Variants in LRBA observed in about 807,000 individuals in gnomAD.
LRBA encodes LPS responsive beige-like anchor protein, also known as lipopolysaccharide-responsive and beige-like anchor protein.
In LRBA, 176 loss-of-function variants were observed where a neutral mutation model predicts 330.0. The ratio of observed to expected loss-of-function variants is 0.53; its 90% CI spans 0.47 to 0.60. The LOEUF (loss-of-function observed/expected upper bound fraction) is 0.60. Among genes scored for constraint, LRBA ranks in the 20% least tolerant of loss-of-function variants. The pLI, the probability that LRBA is intolerant of heterozygous loss-of-function variation, is 0.00. For missense variants in LRBA, 3,259 were observed against 3,444.8 expected (o/e 0.95, Z 1.35); for synonymous variants, 1,230 against 1,193.0 (o/e 1.03, Z -0.64).
chr4:150,723,684 A>C (rs993540201), intron 36 of LRBA, among the ~76,000 whole-genome samples: 2 of 152,204 alleles, frequency 1.3e-5, no homozygotes, highest in South Asian at 2.1e-4. Flanking sequence ...GCAGAGGGAA[A>C]AATAAAGGGA....
At chr4:150,818,402 T>C (rs980373754) in intron 30 of LRBA, among the ~76,000 whole-genome samples, 1 of 151,982 alleles carries the variant, frequency 6.6e-6, no homozygotes, top group Non-Finnish European at 1.5e-5. Flanking sequence ...TGACTGCCAA[T>C]GTTAACTATA....
chr4:150,923,178 T>C (rs1014843555), intron 4 of LRBA, among the ~76,000 whole-genome samples: 22 of 73,954 alleles, frequency 3.0e-4, no homozygotes, highest in African/African-American at 7.6e-4. Context: ...CACACCATCG[T>C]AAAGTCAAAA....
At chr4:150,494,825 C>T (rs1260995702) in intron 40 of LRBA, among the ~76,000 whole-genome samples, 1 of 152,038 alleles carries the variant, frequency 6.6e-6, no homozygotes, top group Non-Finnish European at 1.5e-5. Flanking sequence ...AAAACCCCGT[C>T]TCAATAAAAA....
Position 150,397,329 on chromosome 4 carries a change from A to G in LRBA, c.7194+18109T>C, listed in dbSNP as rs561152241. The stretch of plus-strand genomic sequence containing the variant: ...GGTCTTGCTCTGTTGCCTGGTCTGG[A>G]GTGCAGTGACACAATCAGGGTTTGC... On this transcript the variant is annotated intron_variant, in intron 47 of 56. Transcript: ENST00000651943. Among the ~76,000 whole-genome samples the G allele has an allele frequency of 6.6e-5, 10 of 152,182 alleles. No individual in the cohort carries two copies. The South Asian group carries it at 1.5e-3, about 22-fold the overall frequency.
intron 37 of LRBA, among the ~76,000 whole-genome samples, chr4:150,610,906 A>G (rs563207708): frequency 6.6e-6 from 1 of 152,314 alleles, no homozygotes; most frequent in South Asian, 2.1e-4. Context: ...TTTCCAATGA[A>G]ACAATCAGTA....
chr4:150,693,110 G>A (rs1044152805), intron 36 of LRBA, among the ~76,000 whole-genome samples: 8 of 152,218 alleles, frequency 5.3e-5, no homozygotes, highest in Non-Finnish European at 1.2e-4. Flanking sequence ...GTAGAAAGAG[G>A]TAATGAACAG....
At position 150,415,332 on chromosome 4, in the gene LRBA, C is replaced by T. The variant is rs550390550; in HGVS notation, c.7194+106G>A. The T allele has an allele frequency of 4.2e-5, 38 of 915,098 alleles. No individual in the cohort carries two copies. In the African/African-American group the frequency reaches 5.5e-4, roughly 13 times the overall value. The allele number at this position is 915,098 out of a possible 1,614,324, so 56.7% of individuals were successfully genotyped here. On this transcript the variant is annotated intron_variant, in intron 47 of 56. Transcript: ENST00000651943. ...TGTCACTTTCAGTTAGTCCTATCACCTACAGCTTTGTCCAGAAGAGCAAGG... is the reference window on the plus strand; with the variant it reads ...TGTCACTTTCAGTTAGTCCTATCACTTACAGCTTTGTCCAGAAGAGCAAGG...
chr4:150,278,201 T>C (rs1249751703), intron 55 of LRBA, among the ~76,000 whole-genome samples, 197 bp from the exon 56 acceptor site: 1 of 152,182 alleles, frequency 6.6e-6, no homozygotes, highest in Non-Finnish European at 1.5e-5. Context: ...TCATCAATGC[T>C]TGAGATTGTT....
intron 9 of LRBA, among the ~76,000 whole-genome samples, chr4:150,912,483 T>A (rs1210065528): frequency 1.3e-5 from 2 of 152,212 alleles, no homozygotes; most frequent in Non-Finnish European, 2.9e-5. Context: ...TCTGCTTTGT[T>A]TCCCACTGAT....
intron 35 of LRBA, among the ~76,000 whole-genome samples, chr4:150,748,398 G>A (rs1010581088): frequency 1.3e-5 from 2 of 152,154 alleles, no homozygotes; most frequent in Non-Finnish European, 2.9e-5. Flanking sequence ...GCCAGGCGCG[G>A]TAGCTCACGC....
intron 30 of LRBA, among the ~76,000 whole-genome samples, chr4:150,827,934 T>G (rs1178466386): frequency 6.6e-6 from 1 of 152,136 alleles, no homozygotes; most frequent in African/African-American, 2.4e-5. Flanking sequence ...CATGTTCTTT[T>G]TTTCTAGCTT....
chr4:150,500,479 G>A (rs1760126350), intron 40 of LRBA, among the ~76,000 whole-genome samples: 1 of 152,102 alleles, frequency 6.6e-6, no homozygotes, highest in Admixed American at 6.5e-5. Flanking sequence ...TCAGGAGGCT[G>A]AGACAGGAGA....
At position 150,748,874 on chromosome 4, in the gene LRBA, C is replaced by T. The variant is rs143937463; in HGVS notation, c.5645+12909G>A. Among the ~76,000 whole-genome samples the T allele has an allele frequency of 5.9e-4, 90 of 152,168 alleles. No individual in the cohort carries two copies. In the East Asian group the frequency reaches 0.016, roughly 28 times the overall value. ...GAATAGTCTTCACACAATGTTTAGC[C>T]TCTTCTGCCCTTTCGGCTTCCACCA... On this transcript the variant is annotated intron_variant, in intron 35 of 56. Coordinates refer to ENST00000651943, the MANE Select transcript of LRBA (RefSeq NM_001364905.1).
intron 29 of LRBA, among the ~76,000 whole-genome samples, chr4:150,829,576 T>C (rs919015401): frequency 3.9e-5 from 6 of 152,154 alleles, no homozygotes; most frequent in Admixed American, 6.5e-5. Flanking sequence ...CAGGACACCA[T>C]TCTCTTTTTG....
chr4:150,437,755 C>T (rs1751316193), intron 44 of LRBA, among the ~76,000 whole-genome samples: 1 of 151,926 alleles, frequency 6.6e-6, no homozygotes, highest in Admixed American at 6.6e-5. Flanking sequence ...ACAAACTATG[C>T]CTGACAACGT....
chr4:150,364,009 A>G (rs1228976205), intron 47 of LRBA, among the ~76,000 whole-genome samples: 1 of 152,216 alleles, frequency 6.6e-6, no homozygotes, highest in East Asian at 1.9e-4. Flanking sequence ...TGTTAACCAT[A>G]CAATCAAATT....
At chr4:150,645,908 G>C (rs1779088767) in intron 37 of LRBA, among the ~76,000 whole-genome samples, 1 of 118,144 alleles carries the variant, frequency 8.5e-6, no homozygotes, top group Non-Finnish European at 1.6e-5. Flanking sequence ...CCAAGAAAAA[G>C]AAATTCTTCT....
chr4:150,699,266 G>T (rs987163642), intron 36 of LRBA, among the ~76,000 whole-genome samples: 1 of 152,140 alleles, frequency 6.6e-6, no homozygotes, highest in Non-Finnish European at 1.5e-5. Context: ...AAGAAAAACT[G>T]CCTGTTCAAG....
chr4:150,308,496 T>C (rs928774096), intron 52 of LRBA, among the ~76,000 whole-genome samples: 1 of 152,246 alleles, frequency 6.6e-6, no homozygotes, highest in African/African-American at 2.4e-5. Context: ...TACTTTTTAT[T>C]GTTAAAGTGT....
Sources: gnomAD v4.1 joint callset for allele counts (sites outside exome capture counted in the v4.1 genomes callset) on GRCh38, gnomAD v4.1.1 for gene constraint, MANE v1.5 for transcripts, NCBI Gene and HGNC (gene_info 2026-07-23, HGNC 2026-07-21) for gene names.